The following PASD1 variants were observed in gnomAD, a reference collection of about 807,000 sequenced individuals.
PASD1 encodes circadian clock protein PASD1.
A neutral mutation model predicts 58.8 loss-of-function variants in PASD1; 13 were observed. The observed-to-expected ratio is 0.22, with a 90% CI of 0.14 to 0.35. PASD1 has a LOEUF of 0.35. Among genes scored for constraint, PASD1 ranks in the 10% least tolerant of loss-of-function variants. The pLI is 1.00. For synonymous variants in PASD1, 236 were observed against 216.7 expected (o/e 1.09, Z -0.78); for missense variants, 734 against 568.3 (o/e 1.29, Z -2.96).
intron 9 of PASD1, among the ~76,000 whole-genome samples, chrX:151,651,469 A>G (rs1055235876): frequency 8.9e-6 from 1 of 111,949 alleles, no homozygotes; most frequent in African/African-American, 3.2e-5. Flanking sequence ...GTCTTTGAGC[A>G]TGAACCAAGA....
At chrX:151,645,773 T>TA (rs2014053146) in intron 8 of PASD1, 1 of 112,015 alleles carries the variant, frequency 8.9e-6, no homozygotes, top group Admixed American at 9.5e-5. Context: ...AACCCTCTGT[T>TA]ACATGTTATA....
Position 151,664,332 on chromosome X carries a change from C to T in PASD1, c.1055C>T (p.Ala352Val). 8.3e-7 allele frequency: 1 copy of T among 1,211,941 alleles called. No individual in the cohort carries two copies. The highest frequency in any genetic ancestry group is 1.1e-6 in the Non-Finnish European group (1 of 895,518). Residue 352 changes from alanine (A) to valine (V), a missense_variant, in exon 11 of 16, where the codon GCT becomes GTT. Coordinates refer to ENST00000370357, the MANE Select transcript of PASD1 (RefSeq NM_173493.3). ...GAGGACTCAGTGGACCTGGGGGCTG[C>T]TGGCGCAAGTGCTCAGGTACTCTGA... ...DPEDSVDLGA[A>V]GASAQPLQPS... is the part of the protein sequence containing the mutation.
At chrX:151,623,658 T>G (rs2013747351) in intron 7 of PASD1, among the ~76,000 whole-genome samples, 1 of 111,538 alleles carries the variant, frequency 9.0e-6, no homozygotes, top group Non-Finnish European at 1.9e-5. Context: ...TAAATAATAT[T>G]GGAAGGTGCC....
chrX:151,657,935 C>A (rs1190686675), intron 9 of PASD1, among the ~76,000 whole-genome samples: 2 of 110,421 alleles, frequency 1.8e-5, no homozygotes, highest in East Asian at 5.7e-4. Flanking sequence ...GCCTTTCCCC[C>A]ACCACTTCCA....
chrX:151,665,664 A>G (rs1240569567), intron 11 of PASD1, among the ~76,000 whole-genome samples: 1 of 111,852 alleles, frequency 8.9e-6, no homozygotes. Context: ...TGACACTATT[A>G]GCCCTTCTCA....
intron 9 of PASD1, among the ~76,000 whole-genome samples, chrX:151,651,480 G>T (rs774305059): frequency 2.7e-5 from 3 of 111,914 alleles, no homozygotes; most frequent in South Asian, 3.7e-4. Flanking sequence ...TGAACCAAGA[G>T]CTAGGTAGGA....
intron 8 of PASD1, among the ~76,000 whole-genome samples, chrX:151,628,338 G>C (rs1033702940): frequency 1.8e-5 from 2 of 111,780 alleles, no homozygotes; most frequent in African/African-American, 6.5e-5. Flanking sequence ...TATGGTTTTA[G>C]GTCTAACATT....
chrX:151,669,375 A>G (rs1310439913), intron 11 of PASD1, among the ~76,000 whole-genome samples: 1 of 110,174 alleles, frequency 9.1e-6, no homozygotes, highest in Non-Finnish European at 1.9e-5. Flanking sequence ...GATACCCATC[A>G]CTTCAAATAT....
intron 1 of PASD1, among the ~76,000 whole-genome samples, chrX:151,577,593 C>T (rs12857416): frequency 7.2e-5 from 8 of 111,569 alleles, no homozygotes; most frequent in Non-Finnish European, 1.5e-4. Context: ...GGTGCGATCT[C>T]GACTCACCAA....
intron 4 of PASD1, among the ~76,000 whole-genome samples, chrX:151,614,988 C>T (rs2013619883): frequency 9.3e-6 from 1 of 107,587 alleles, no homozygotes; most frequent in Admixed American, 9.9e-5. Context: ...TATTGGATTG[C>T]ACTTTAGTAT....
At chrX:151,593,149 A>G (rs964336988) in intron 1 of PASD1, among the ~76,000 whole-genome samples, 1 of 111,064 alleles carries the variant, frequency 9.0e-6, no homozygotes, top group East Asian at 2.8e-4. Flanking sequence ...TAATATTAAT[A>G]TAGTCACCCA....
chrX:151,658,889 T>A, intron 9 of PASD1, among the ~76,000 whole-genome samples: 1 of 112,300 alleles, frequency 8.9e-6, no homozygotes, highest in South Asian at 3.7e-4. Flanking sequence ...TCAAAAAGGA[T>A]TCAGTTGTTC....
At chrX:151,672,911 C>T (rs964564802) in intron 14 of PASD1, 2 of 400,409 alleles carry the variant, frequency 5.0e-6, no homozygotes, top group South Asian at 5.0e-5. Context: ...GATAAGGAAG[C>T]CTCAATGCTA....
At chrX:151,668,559 A>G (rs1014137332) in intron 11 of PASD1, among the ~76,000 whole-genome samples, 1 of 111,529 alleles carries the variant, frequency 9.0e-6, no homozygotes, top group Non-Finnish European at 1.9e-5. Flanking sequence ...ACAAACTACC[A>G]TCAGAGAATA....
intron 8 of PASD1, among the ~76,000 whole-genome samples, chrX:151,634,223 T>C (rs1360523430): frequency 9.0e-6 from 1 of 111,438 alleles, no homozygotes; most frequent in Non-Finnish European, 1.9e-5. Context: ...TTCTCTCCTC[T>C]TCTCTCCTTC....
At chrX:151,646,424 A>C (rs2014061271) in intron 8 of PASD1, among the ~76,000 whole-genome samples, 1 of 112,412 alleles carries the variant, frequency 8.9e-6, no homozygotes, top group Non-Finnish European at 1.9e-5. Flanking sequence ...TGATGATTGC[A>C]GTGGCCTATA....
chrX:151,572,317 G>A (rs1237466932), intron 1 of PASD1, among the ~76,000 whole-genome samples: 2 of 111,289 alleles, frequency 1.8e-5, no homozygotes, highest in Non-Finnish European at 1.9e-5. Context: ...ACAGTGCCTT[G>A]CCCATAGTAT....
At chrX:151,594,211 G>A (rs2013287643) in intron 1 of PASD1, among the ~76,000 whole-genome samples, 2 of 111,146 alleles carry the variant, frequency 1.8e-5, no homozygotes, top group African/African-American at 6.5e-5. Context: ...CTGACCTCGT[G>A]ATCCACCCAC....
At chrX:151,595,617 C>T (rs1292177929) in intron 1 of PASD1, among the ~76,000 whole-genome samples, 2 of 109,170 alleles carry the variant, frequency 1.8e-5, no homozygotes, top group African/African-American at 3.3e-5. Context: ...CCCGGCTACT[C>T]GGGAAGTTGA....
Sources: allele counts gnomAD v4.1 joint callset (sites outside exome capture counted in the v4.1 genomes callset), GRCh38; gene constraint gnomAD v4.1.1; transcripts MANE v1.5; gene names NCBI Gene and HGNC (gene_info 2026-07-23, HGNC 2026-07-21).